The following NOVA1 variants were observed in gnomAD, a reference collection of about 807,000 sequenced individuals.
NOVA1 encodes the protein RNA-binding protein Nova-1.
In NOVA1, 7 loss-of-function variants were observed where a neutral mutation model predicts 38.0. The ratio of observed to expected loss-of-function variants is 0.18; its 90% CI spans 0.10 to 0.35. The LOEUF (loss-of-function observed/expected upper bound fraction) is 0.35, where lower values mean the gene tolerates loss of function less well. Among genes scored for constraint, NOVA1 ranks in the 10% least tolerant of loss-of-function variants. NOVA1 has a pLI of 1.00. For missense variants in NOVA1, 460 were observed against 616.0 expected, an observed-to-expected ratio of 0.75 and a Z score of 2.68; for synonymous variants, 270 against 232.5, an observed-to-expected ratio of 1.16 and a Z score of -1.47.
At chr14:26,473,523 G>A (rs569824242) in intron 3 of NOVA1, among the ~76,000 whole-genome samples, 1 of 151,992 alleles carries the variant, frequency 6.6e-6, no homozygotes, top group South Asian at 2.1e-4. Context: ...GTTCAGCAGT[G>A]TCAGGAAAAG....
intron 2 of NOVA1, among the ~76,000 whole-genome samples, chr14:26,529,472 T>C (rs1033082622): frequency 2.0e-5 from 3 of 152,092 alleles, no homozygotes; most frequent in Non-Finnish European, 4.4e-5. Context: ...TGTTACCTGA[T>C]ATGGGAAAGG....
At chr14:26,470,249 T>C in intron 4 of NOVA1, 1 of 1,189,908 alleles carries the variant, frequency 8.4e-7, no homozygotes, top group Non-Finnish European at 1.1e-6. Context: ...CAGATATAAG[T>C]CAGTATAGCA....
At chr14:26,532,940 T>A (rs999165111) in intron 2 of NOVA1, among the ~76,000 whole-genome samples, 8 of 152,208 alleles carry the variant, frequency 5.3e-5, no homozygotes, top group Admixed American at 2.0e-4. Context: ...GAAATCTTAT[T>A]AGAATGTCTA....
Position 26,576,736 on chromosome 14 carries a change from T to C in NOVA1, c.280+18674A>G, listed in dbSNP as rs180775314. 4.1e-3 allele frequency among the ~76,000 whole-genome samples: 623 copies of C among 151,856 alleles called. 22 individuals are homozygous for C. The highest frequency in any genetic ancestry group is 1.1e-3 in the Non-Finnish European group (72 of 67,796). On this transcript the variant is annotated intron_variant, in intron 2 of 4. Coordinates refer to ENST00000539517, the MANE Select transcript of NOVA1 (RefSeq NM_002515.3). ...ATTATTCAGAACTTTCTTACTCCTC[T>C]TGCCTCCTTTTTTTATTATTGTATA...
In NOVA1 at chr14:26,454,107, T is replaced by C. The variant is rs148429493; in HGVS notation, c.520-5144A>G. 1.2e-4 allele frequency among the ~76,000 whole-genome samples: 19 copies of C among 152,198 alleles called. No individual in the cohort carries two copies. The East Asian group carries it at 2.5e-3, about 20-fold the overall frequency. ...GCTTCCCTGGGCCACACTGGAAGAA[T>C]TGTCTCAAGCTACACATAAAATACA... On this transcript the variant is annotated intron_variant, in intron 4 of 4. Coordinates refer to ENST00000539517, the MANE Select transcript of NOVA1 (RefSeq NM_002515.3).
At chr14:26,514,930 C>T (rs879156521) in intron 2 of NOVA1, among the ~76,000 whole-genome samples, 4 of 151,842 alleles carry the variant, frequency 2.6e-5, no homozygotes, top group Admixed American at 2.6e-4. Context: ...TTTCTTCTAT[C>T]ATTCTACCTA....
chr14:26,515,898 A>G (rs1888429178), intron 2 of NOVA1, among the ~76,000 whole-genome samples: 1 of 152,092 alleles, frequency 6.6e-6, no homozygotes, highest in Admixed American at 6.6e-5. Flanking sequence ...ATACATAAAA[A>G]AGTACAAAAT....
rs1050625327 is a variant in NOVA1 at position 26,515,737 on chromosome 14, T to C, written c.281-35594A>G. On this transcript the variant is annotated intron_variant, in intron 2 of 4. Coordinates refer to ENST00000539517, the MANE Select transcript of NOVA1 (RefSeq NM_002515.3). ...GTTATTGACTTTTCAACTACAATTA[T>C]TGTATTACTTTATCTGTAAAGAAAA... Among the ~76,000 whole-genome samples the C allele has an allele frequency of 5.3e-5, 8 of 152,082 alleles. No individual in the cohort carries two copies. In the South Asian group the frequency reaches 6.2e-4, roughly 12 times the overall value.
intron 1 of NOVA1, 131 bp from the exon 2 acceptor site, chr14:26,595,684 T>G: frequency 2.8e-6 from 2 of 706,622 alleles, no homozygotes; most frequent in Non-Finnish European, 4.4e-6. Flanking sequence ...AAGTTAAACA[T>G]TTTTTGAGAA....
intron 2 of NOVA1, among the ~76,000 whole-genome samples, chr14:26,590,100 C>T (rs1474055730): frequency 6.6e-6 from 1 of 151,848 alleles, no homozygotes; most frequent in African/African-American, 2.4e-5. Flanking sequence ...CAAGTGACAA[C>T]TAACCTCTTC....
chr14:26,539,445 T>C (rs1193979432), intron 2 of NOVA1, among the ~76,000 whole-genome samples: 3 of 152,066 alleles, frequency 2.0e-5, no homozygotes, highest in African/African-American at 7.2e-5. Context: ...AAAATAAAAT[T>C]AAACTGACTT....
At position 26,447,841 on chromosome 14, in the gene NOVA1, T is replaced by C. The variant is rs888568589; in HGVS notation, c.*118A>G. ...ATACACATTGTCAACATAGTCGCATTCATTTGCATAATTATATATTAATAA... is the reference window on the plus strand; with the variant it reads ...ATACACATTGTCAACATAGTCGCATCCATTTGCATAATTATATATTAATAA... On this transcript the variant is annotated 3_prime_UTR_variant, in exon 5 of 5. Transcript: ENST00000539517. 8 of 712,984 alleles carry C rather than the reference T, an allele frequency of 1.1e-5. No individual in the cohort carries two copies. The highest frequency in any genetic ancestry group is 2.8e-5 in the Admixed American group (1 of 35,392). 44.2% of individuals were successfully genotyped at this position (712,984 alleles called of 1,614,324 possible).
intron 2 of NOVA1, among the ~76,000 whole-genome samples, chr14:26,524,568 C>T (rs941990916): frequency 6.6e-6 from 1 of 152,132 alleles, no homozygotes; most frequent in African/African-American, 2.4e-5. Context: ...TCTTCAATCA[C>T]CTTATCAAAA....
chr14:26,596,098 A>G, intron 1 of NOVA1: 1 of 236,668 alleles, frequency 4.2e-6, no homozygotes, highest in South Asian at 5.2e-5. Context: ...AATCCACCCA[A>G]ACTGTGGGGT....
chr14:26,453,165 T>TATGC (rs1882847397), intron 4 of NOVA1, among the ~76,000 whole-genome samples: 1 of 114,226 alleles, frequency 8.8e-6, no homozygotes, highest in Non-Finnish European at 1.7e-5. Flanking sequence ...CTGCTTCAAT[T>TATGC]ATGTATGTAT....
intron 2 of NOVA1, among the ~76,000 whole-genome samples, chr14:26,506,270 A>C (rs899966994): frequency 5.3e-5 from 8 of 152,202 alleles, no homozygotes; most frequent in African/African-American, 1.9e-4. Context: ...ATAGAATTTT[A>C]AAATTAGGCT....
intron 2 of NOVA1, among the ~76,000 whole-genome samples, chr14:26,578,910 G>T (rs1288545472): frequency 6.6e-6 from 1 of 151,830 alleles, no homozygotes; most frequent in East Asian, 1.9e-4. Flanking sequence ...AGACTTCACT[G>T]TCATCATCTC....
At chr14:26,583,484 A>G (rs58583413) in intron 2 of NOVA1, among the ~76,000 whole-genome samples, 4,037 of 151,616 alleles carry the variant, frequency 0.027, 172 homozygotes, top group African/African-American at 0.093. Flanking sequence ...TACACAGTGA[A>G]TATTTTTATT....
chr14:26,561,898 T>C, intron 2 of NOVA1, among the ~76,000 whole-genome samples: 1 of 152,200 alleles, frequency 6.6e-6, no homozygotes, highest in Non-Finnish European at 1.5e-5. Context: ...TATGTCCTAG[T>C]TCAGTCAGTA....
Sources: gnomAD v4.1 joint callset for allele counts (sites outside exome capture counted in the v4.1 genomes callset) on GRCh38, gnomAD v4.1.1 for gene constraint, MANE v1.5 for transcripts, NCBI Gene and HGNC (gene_info 2026-07-23, HGNC 2026-07-21) for gene names.